Variants in TMEM260 observed in about 807,000 individuals in gnomAD.
TMEM260 encodes the protein protein O-mannosyl-transferase TMEM260.
TMEM260 carries 82 observed loss-of-function variants against 88.9 expected under a neutral mutation model. That is an observed-to-expected ratio of 0.92 (90% CI 0.77 to 1.11). The LOEUF (loss-of-function observed/expected upper bound fraction) is 1.11. Among genes scored for constraint, TMEM260 ranks in the 50% least tolerant of loss-of-function variants. The pLI is 0.00. For missense variants in TMEM260, 902 were observed against 853.4 expected (o/e 1.06, Z -0.71); for synonymous variants, 314 against 309.3 (o/e 1.02, Z -0.16).
rs1221491057 is a variant in TMEM260 at position 56,637,598 on chromosome 14, T to C, written c.1869+1000T>C. On this transcript the variant is annotated intron_variant, in intron 15 of 15. Transcript: ENST00000261556. The stretch of plus-strand genomic sequence containing the variant: ...AAACTAATATCCTGACAAGGGCCAA[T>C]GAAAACAGAGGGTAGGACCTGTATA... 3.3e-5 allele frequency among the ~76,000 whole-genome samples: 5 copies of C among 152,280 alleles called. No individual in the cohort carries two copies. In the South Asian group the frequency reaches 8.3e-4, roughly 25 times the overall value.
chr14:56,609,324 G>A (rs1421457318), intron 6 of TMEM260, 39 bp downstream of exon 6: 1 of 1,583,450 alleles, frequency 6.3e-7, no homozygotes, highest in Non-Finnish European at 8.6e-7. Flanking sequence ...GAAACAAGTG[G>A]CAAAACTTCA....
intron 3 of TMEM260, 66 bp from the exon 4 acceptor site, chr14:56,603,749 C>G (rs1886716786): frequency 6.3e-7 from 1 of 1,585,924 alleles, no homozygotes; most frequent in Non-Finnish European, 8.6e-7. Context: ...GTACAGTTTA[C>G]CAAAAGGAAA....
intron 10 of TMEM260, 90 bp downstream of exon 10, chr14:56,618,853 C>T: frequency 7.6e-7 from 1 of 1,322,156 alleles, no homozygotes; most frequent in Non-Finnish European, 1.0e-6. Context: ...TTGTTAACTT[C>T]TGGTTTTCAA....
At chr14:56,637,229 A>G (rs551125532) in intron 15 of TMEM260, among the ~76,000 whole-genome samples, 161 of 152,396 alleles carry the variant, frequency 1.1e-3, no homozygotes, top group Non-Finnish European at 1.8e-3. Flanking sequence ...GGAAACTAAT[A>G]TAATAGCTTC....
At chr14:56,615,861 C>A in intron 7 of TMEM260, 83 bp from the exon 8 acceptor site, 2 of 984,956 alleles carry the variant, frequency 2.0e-6, no homozygotes, top group South Asian at 1.3e-5. Context: ...AGTATATAAT[C>A]AATGGTATCT....
intron 15 of TMEM260, among the ~76,000 whole-genome samples, chr14:56,643,277 C>T (rs560350415): frequency 1.2e-4 from 19 of 152,100 alleles, no homozygotes; most frequent in Non-Finnish European, 2.6e-4. Flanking sequence ...ACTGGCAAAC[C>T]GAATCCAGCA....
intron 14 of TMEM260, 74 bp from the exon 15 acceptor site, chr14:56,636,434 C>T (rs1022384712): frequency 2.1e-5 from 25 of 1,176,258 alleles, no homozygotes; most frequent in South Asian, 2.1e-4. Context: ...GTGGAGAAGC[C>T]TGGAAGATTT....
At chr14:56,624,647 G>A (rs1212129291) in intron 11 of TMEM260, among the ~76,000 whole-genome samples, 1 of 152,156 alleles carries the variant, frequency 6.6e-6, no homozygotes, top group African/African-American at 2.4e-5. Context: ...AAAAAATACA[G>A]TGCCTTTTTT....
In TMEM260 at chr14:56,648,706, C is replaced by G. The variant is rs2139665754; in HGVS notation, c.*1209C>G. The G allele has an allele frequency of 6.5e-6, 1 of 152,788 alleles. No individual in the cohort carries two copies. Among genetic ancestry groups the G allele is most frequent in the African/African-American group, 2.4e-5 (1 of 41,582 alleles). The allele number at this position is 152,788 out of a possible 1,614,324, so 9.5% of individuals were successfully genotyped here. On this transcript the variant is annotated 3_prime_UTR_variant, in exon 16 of 16. Coordinates refer to ENST00000261556, the MANE Select transcript of TMEM260 (RefSeq NM_017799.4). ...GGAGCTTGCATGGTTCCCTTTCATA[C>G]TACGACCATAATTAAAACCACTAAT...
chr14:56,620,375 A>G (rs1417814711), intron 10 of TMEM260, among the ~76,000 whole-genome samples: 1 of 152,162 alleles, frequency 6.6e-6, no homozygotes, highest in Non-Finnish European at 1.5e-5. Flanking sequence ...AGGCCTTGAG[A>G]GAAGGGGCTG....
chr14:56,605,203 A>G (rs1482068369), intron 4 of TMEM260, among the ~76,000 whole-genome samples: 1 of 152,206 alleles, frequency 6.6e-6, no homozygotes, highest in African/African-American at 2.4e-5. Context: ...AAGAGGCTAT[A>G]TTTCATTTGT....
At chr14:56,635,547 C>T (rs1392864618) in intron 14 of TMEM260, among the ~76,000 whole-genome samples, 1 of 152,160 alleles carries the variant, frequency 6.6e-6, no homozygotes, top group East Asian at 1.9e-4. Context: ...TCATCCTGTC[C>T]TGTATGGAAC....
intron 12 of TMEM260, among the ~76,000 whole-genome samples, chr14:56,626,756 C>G (rs1279293013): frequency 6.6e-6 from 1 of 152,064 alleles, no homozygotes. Context: ...CAAAATGTTC[C>G]AAGAACAATA....
At chr14:56,634,358 C>T (rs932678408) in intron 13 of TMEM260, among the ~76,000 whole-genome samples, 1 of 152,128 alleles carries the variant, frequency 6.6e-6, no homozygotes, top group Admixed American at 6.5e-5. Flanking sequence ...TCCTGTTAAT[C>T]TTCTGTTTGC....
intron 5 of TMEM260, among the ~76,000 whole-genome samples, chr14:56,607,392 C>G (rs1423099098): frequency 2.0e-5 from 3 of 152,190 alleles, no homozygotes; most frequent in African/African-American, 4.8e-5. Flanking sequence ...TTTCCCTGTA[C>G]TGAGGTAAGC....
chr14:56,597,647 G>GT (rs1886327018), intron 3 of TMEM260, among the ~76,000 whole-genome samples: 1 of 152,176 alleles, frequency 6.6e-6, no homozygotes, highest in African/African-American at 2.4e-5. Context: ...CTCTTACTCT[G>GT]TTGGCAATGG....
chr14:56,596,729 C>G (rs901976248), intron 3 of TMEM260, among the ~76,000 whole-genome samples: 1 of 143,146 alleles, frequency 7.0e-6, no homozygotes, highest in African/African-American at 2.6e-5. Context: ...TGCCATTGCA[C>G]TCCAGCCTGG....
intron 15 of TMEM260, among the ~76,000 whole-genome samples, chr14:56,645,373 C>T (rs971675834): frequency 6.6e-6 from 1 of 152,046 alleles, no homozygotes; most frequent in East Asian, 1.9e-4. Flanking sequence ...AACCATCATT[C>T]TGAGCAAACT....
chr14:56,631,409 G>A (rs1055929751), intron 12 of TMEM260, among the ~76,000 whole-genome samples: 2 of 152,110 alleles, frequency 1.3e-5, no homozygotes, highest in Non-Finnish European at 2.9e-5. Flanking sequence ...GATCACCTGA[G>A]GTCAGAAGTT....
Sources: allele counts gnomAD v4.1 joint callset (sites outside exome capture counted in the v4.1 genomes callset), GRCh38; gene constraint gnomAD v4.1.1; transcripts MANE v1.5; gene names NCBI Gene and HGNC (gene_info 2026-07-23, HGNC 2026-07-21).